TTC7A: variants seen among roughly 807,000 people sequenced by gnomAD.
TTC7A encodes the protein tetratricopeptide repeat domain 7A.
A neutral mutation model predicts 103.7 loss-of-function variants in TTC7A; 110 were observed. The ratio of observed to expected loss-of-function variants is 1.06; its 90% confidence interval spans 0.91 to 1.24. The LOEUF (loss-of-function observed/expected upper bound fraction) is 1.24. Ranked by LOEUF, TTC7A falls within the 50% of genes most tolerant of loss-of-function variation. TTC7A has a pLI of 0.00. For synonymous variants in TTC7A, 521 were observed against 467.9 expected (o/e 1.11, Z -1.47); for missense variants, 1,340 against 1,116.3 (o/e 1.20, Z -2.86).
Position 46,916,203 on chromosome 2 carries a change from C to CA in TTC7A, c.-385dup, listed in dbSNP as rs1329255054. 4.1e-6 allele frequency: 4 copies of CA among 973,456 alleles called. No individual in the cohort carries two copies. In the East Asian group the frequency reaches 4.6e-4, roughly 111 times the overall value. The allele number at this position is 973,456 out of a possible 1,614,324, so 60.3% of individuals were successfully genotyped here. ...TCAGGTCTCTTGGTTCGTCCTGCTG[C>CA]AAGTTGGGAAGAAAGATAATAGGAA... On this transcript the variant is annotated 5_prime_UTR_variant, in exon 1 of 21. Transcript: ENST00000409245.
intron 19 of TTC7A, among the ~76,000 whole-genome samples, chr2:47,062,339 A>C (rs541605914): frequency 6.6e-6 from 1 of 152,366 alleles, no homozygotes; most frequent in Admixed American, 6.5e-5. Flanking sequence ...ATAGATTTCT[A>C]ACTTAGGTCT....
At chr2:46,978,686 C>A in intron 4 of TTC7A, 106 bp from the exon 5 acceptor site, 1 of 774,646 alleles carries the variant, frequency 1.3e-6, no homozygotes. Flanking sequence ...ACAATGTGCC[C>A]CTGAACAACT....
intron 15 of TTC7A, among the ~76,000 whole-genome samples, chr2:47,045,841 A>G (rs906793043): frequency 2.0e-5 from 3 of 152,246 alleles, no homozygotes; most frequent in African/African-American, 7.2e-5. Flanking sequence ...TCCTTGCTCT[A>G]CCTTCACTCA....
At chr2:47,058,242 C>G (rs1683481039) in intron 18 of TTC7A, among the ~76,000 whole-genome samples, 1 of 152,238 alleles carries the variant, frequency 6.6e-6, no homozygotes, top group Non-Finnish European at 1.5e-5. Context: ...TCCAGGAAGC[C>G]TGGCTTCTCT....
chr2:47,006,751 G>A (rs1380099721), intron 10 of TTC7A, 27 bp downstream of exon 10: 6 of 1,559,006 alleles, frequency 3.8e-6, no homozygotes, highest in African/African-American at 2.7e-5. Flanking sequence ...GCTAGGGGTT[G>A]CACACTCACC....
upstream of TTC7A, among the ~76,000 whole-genome samples, chr2:46,936,743 C>G (rs934636235): frequency 6.6e-6 from 1 of 152,188 alleles, no homozygotes; most frequent in Non-Finnish European, 1.5e-5. Context: ...TGAGGAATTT[C>G]TGATATGCAC....
intron 11 of TTC7A, among the ~76,000 whole-genome samples, chr2:47,020,878 G>A (rs919882): frequency 0.025 from 3,839 of 152,292 alleles, 185 homozygotes; most frequent in African/African-American, 0.087. Flanking sequence ...GATGGGGGCC[G>A]GGCAGGGGCA....
chr2:46,918,597 T>C (rs1668940766), intron 2 of TTC7A, among the ~76,000 whole-genome samples: 2 of 152,216 alleles, frequency 1.3e-5, no homozygotes, highest in East Asian at 1.9e-4. Context: ...AAATATGGAA[T>C]TGGCTAACTG....
rs576173314 is a variant in TTC7A, at chr2:46,949,884, A to G, written c.185-479A>G. Among the ~76,000 whole-genome samples, 109 of 152,332 alleles carry G rather than the reference A, an allele frequency of 7.2e-4. 2 individuals carry two copies. Among genetic ancestry groups the G allele is most frequent in the African/African-American group, 2.5e-3 (103 of 41,580 alleles). On this transcript the variant is annotated intron_variant, in intron 1 of 19. Coordinates refer to ENST00000319190, the MANE Select transcript of TTC7A (RefSeq NM_020458.4). ...GAGTGAGACTCTGTTTAAAACAAAC[A>G]AACAAACAAAAACACTTAAAAATGG...
intron 16 of TTC7A, among the ~76,000 whole-genome samples, chr2:47,048,351 C>A (rs1682536330): frequency 6.6e-6 from 1 of 152,192 alleles, no homozygotes; most frequent in South Asian, 2.1e-4. Flanking sequence ...TAGGAAAGGC[C>A]CCTTCACGGG....
chr2:47,040,802 A>C (rs1316063232), intron 15 of TTC7A, among the ~76,000 whole-genome samples: 3 of 152,212 alleles, frequency 2.0e-5, no homozygotes, highest in Non-Finnish European at 4.4e-5. Flanking sequence ...CCTGTTGTAC[A>C]GGTGTGGGAC....
At chr2:46,918,682 A>G (rs2103793433) in intron 2 of TTC7A, among the ~76,000 whole-genome samples, 1 of 152,350 alleles carries the variant, frequency 6.6e-6, no homozygotes, top group Middle Eastern at 3.4e-3. Context: ...CCGTAGTGAA[A>G]CTGTCACTTG....
At chr2:46,944,294 C>G (rs1670729055) in intron 1 of TTC7A, among the ~76,000 whole-genome samples, 1 of 151,404 alleles carries the variant, frequency 6.6e-6, no homozygotes, top group Admixed American at 6.6e-5. Context: ...GAAGTCTCGT[C>G]TGAGCTATGC....
rs13001154 is a variant in TTC7A at position 47,051,900 on chromosome 2, T to C, written c.2152+20T>C. ...AGGCTGGTGAGTGCCCTGGTCCCAG[T>C]GACACACACAGCCTGTCTGCAGGCC... On this transcript the variant is annotated intron_variant, in intron 18 of 19. Transcript: ENST00000319190. 0.011 allele frequency: 18,095 copies of C among 1,596,466 alleles called. 137 individuals carry two copies. Among genetic ancestry groups the C allele is most frequent in the Non-Finnish European group, 0.013 (15,310 of 1,170,806 alleles).
chr2:47,071,482 C>G (rs1473076954), intron 19 of TTC7A, among the ~76,000 whole-genome samples: 2 of 152,322 alleles, frequency 1.3e-5, no homozygotes, highest in Non-Finnish European at 1.5e-5. Flanking sequence ...TTGCTGTCTG[C>G]CCCCGCGGTG....
At chr2:47,018,973 A>G (rs1678995364) in intron 11 of TTC7A, among the ~76,000 whole-genome samples, 1 of 152,176 alleles carries the variant, frequency 6.6e-6, no homozygotes, top group South Asian at 2.1e-4. Context: ...GTGCCTACTC[A>G]TGGATGTGGG....
intron 19 of TTC7A, among the ~76,000 whole-genome samples, chr2:47,070,750 C>T (rs944434684): frequency 6.6e-6 from 1 of 152,086 alleles, no homozygotes; most frequent in African/African-American, 2.4e-5. Flanking sequence ...CTGGGGACTT[C>T]CCCCAGAGCC....
intron 1 of TTC7A, among the ~76,000 whole-genome samples, chr2:46,948,284 G>A (rs1271385434): frequency 1.3e-5 from 2 of 152,164 alleles, no homozygotes; most frequent in Non-Finnish European, 2.9e-5. Context: ...TAGAAGCAGG[G>A]AGCAACTTTC....
upstream of TTC7A, chr2:46,941,043 G>GGGCGGC (rs555336676): frequency 1.3e-5 from 2 of 151,346 alleles, no homozygotes; most frequent in African/African-American, 2.4e-5. This position sits in a 1 kb window ranked among gnomAD's most constrained non-coding sequence, Gnocchi z 4.2. Flanking sequence ...TCCGCGGCGG[G>GGGCGGC]GGCGGCGGCG....
Sources: allele counts gnomAD v4.1 joint callset (sites outside exome capture counted in the v4.1 genomes callset), GRCh38; gene constraint gnomAD v4.1.1; non-coding constraint Gnocchi (gnomAD v3.1); transcripts MANE v1.5; gene names NCBI Gene and HGNC (gene_info 2026-07-23, HGNC 2026-07-21).